TVP23C: variants seen among roughly 807,000 people sequenced by gnomAD.
The protein encoded by TVP23C is Golgi apparatus membrane protein TVP23 homolog C.
In TVP23C, 19 loss-of-function variants were observed where a neutral mutation model predicts 28.7. The observed-to-expected ratio is 0.66, with a 90% CI of 0.46 to 0.97. The LOEUF is 0.97. Ranked by LOEUF, TVP23C falls within the 50% of genes least tolerant of loss-of-function variation. TVP23C has a pLI of 0.00. For synonymous variants in TVP23C, 68 were observed against 81.7 expected (o/e 0.83, Z 0.90); for missense variants, 186 against 241.3 (o/e 0.77, Z 1.52).
chr17:15,508,659 T>C (rs1347255292), intron 5 of TVP23C, among the ~76,000 whole-genome samples: 1 of 152,206 alleles, frequency 6.6e-6, no homozygotes. Context: ...GCATTTACAT[T>C]GTGCAGTACT....
rs1469218863 is a variant in TVP23C at position 15,539,148 on chromosome 17, G to C, written c.*1264C>G. ...AACTTGGGAGAAATGCAAATTATGAGACTCCACCCCCAGATCTACTGAATA... is the reference window on the plus strand; with the variant it reads ...AACTTGGGAGAAATGCAAATTATGACACTCCACCCCCAGATCTACTGAATA... On this transcript the variant is annotated 3_prime_UTR_variant, in exon 6 of 6. Transcript: ENST00000518321. 5 of 947,444 alleles carry C rather than the reference G, an allele frequency of 5.3e-6. No individual in the cohort carries two copies. The African/African-American group carries it at 7.1e-5, about 13-fold the overall frequency. The allele number at this position is 947,444 out of a possible 1,614,324, so 58.7% of individuals were successfully genotyped here.
At chr17:15,544,217 G>T (rs559923401) in intron 5 of TVP23C, among the ~76,000 whole-genome samples, 2 of 152,220 alleles carry the variant, frequency 1.3e-5, no homozygotes, top group Admixed American at 6.5e-5. Flanking sequence ...AATCCAGCCA[G>T]GTCATCATTT....
chr17:15,544,635 A>G (rs1367082340), intron 5 of TVP23C, among the ~76,000 whole-genome samples: 1 of 152,090 alleles, frequency 6.6e-6, no homozygotes, highest in African/African-American at 2.4e-5. Flanking sequence ...TAAAGAAACC[A>G]TATTAGCGTA....
intron 5 of TVP23C, among the ~76,000 whole-genome samples, chr17:15,527,822 G>A (rs529390847): frequency 6.6e-5 from 10 of 152,184 alleles, no homozygotes; most frequent in Admixed American, 3.3e-4. Flanking sequence ...AGAATGTCAC[G>A]AGGATGAAAC....
At chr17:15,554,706 A>G (rs1453104660) in intron 2 of TVP23C, among the ~76,000 whole-genome samples, 1 of 152,220 alleles carries the variant, frequency 6.6e-6, no homozygotes, top group Non-Finnish European at 1.5e-5. Flanking sequence ...ACCCACTGGC[A>G]GTCATTCCCC....
At chr17:15,536,522 TAGA>T (rs756451285), downstream of TVP23C, among the ~76,000 whole-genome samples, 5 of 152,132 alleles carry the variant, frequency 3.3e-5, no homozygotes, top group Non-Finnish European at 7.3e-5. Context: ...GGGAAATCTG[TAGA>T]AGGAGAAAAA....
chr17:15,558,632 A>G (rs1320658598), intron 1 of TVP23C, among the ~76,000 whole-genome samples: 1 of 147,934 alleles, frequency 6.8e-6, no homozygotes, highest in African/African-American at 2.4e-5. Context: ...AGAGACAGAG[A>G]TTTGAACAGG....
At chr17:15,528,364 A>G (rs1982813272) in intron 5 of TVP23C, among the ~76,000 whole-genome samples, 1 of 151,630 alleles carries the variant, frequency 6.6e-6, no homozygotes, top group Non-Finnish European at 1.5e-5. Context: ...CCCACTGGTT[A>G]TTTAGCAGTA....
At chr17:15,527,063 C>A (rs890742188) in intron 5 of TVP23C, among the ~76,000 whole-genome samples, 1 of 152,150 alleles carries the variant, frequency 6.6e-6, no homozygotes, top group Non-Finnish European at 1.5e-5. Context: ...GTTATCTGAC[C>A]TTCCAAGAAA....
intron 3 of TVP23C, among the ~76,000 whole-genome samples, chr17:15,548,860 T>C (rs1351654794): frequency 6.6e-6 from 1 of 152,132 alleles, no homozygotes; most frequent in Non-Finnish European, 1.5e-5. Context: ...TAATGCACAG[T>C]AAGAGAATAA....
At chr17:15,516,852 G>C (rs764863292) in intron 5 of TVP23C, among the ~76,000 whole-genome samples, 7 of 152,158 alleles carry the variant, frequency 4.6e-5, no homozygotes, top group African/African-American at 7.2e-5. Context: ...CTTCAGGAGA[G>C]AGGCCTTGGC....
intron 5 of TVP23C, among the ~76,000 whole-genome samples, chr17:15,526,058 C>T (rs572164103): frequency 6.0e-4 from 92 of 152,286 alleles, no homozygotes; most frequent in African/African-American, 2.1e-3. Flanking sequence ...GTCTGCACTG[C>T]GTATGCCCTT....
chr17:15,524,708 G>A (rs57350285), intron 5 of TVP23C, among the ~76,000 whole-genome samples: 1 of 151,822 alleles, frequency 6.6e-6, no homozygotes, highest in Admixed American at 6.6e-5. Context: ...GGGTCCCAGA[G>A]GGATGCACAC....
At chr17:15,509,377 A>C (rs997948784) in intron 5 of TVP23C, among the ~76,000 whole-genome samples, 3 of 152,240 alleles carry the variant, frequency 2.0e-5, no homozygotes, top group African/African-American at 7.2e-5. Context: ...GGCCTGGAGC[A>C]GCTGCTGGCT....
At chr17:15,502,697 T>G in exon 6 of TVP23C, 1 of 1,138,866 alleles carries the variant, frequency 8.8e-7, no homozygotes, top group Non-Finnish European at 1.2e-6. Context: ...AAGTTCCCTG[T>G]TCGTTCGTTC....
chr17:15,516,917 A>G (rs1206849339), intron 5 of TVP23C, among the ~76,000 whole-genome samples: 1 of 152,154 alleles, frequency 6.6e-6, no homozygotes, highest in East Asian at 1.9e-4. Flanking sequence ...GGCATCCCAC[A>G]GTGTGTGCTG....
downstream of TVP23C, among the ~76,000 whole-genome samples, chr17:15,534,314 G>A (rs1036509670): frequency 5.3e-5 from 8 of 152,114 alleles, no homozygotes; most frequent in African/African-American, 1.9e-4. Context: ...AATTAATTAA[G>A]GAAGCTGAGA....
At chr17:15,505,361 A>T (rs540705006) in intron 5 of TVP23C, among the ~76,000 whole-genome samples, 1 of 152,268 alleles carries the variant, frequency 6.6e-6, no homozygotes, top group Non-Finnish European at 1.5e-5. Flanking sequence ...CAATTCTCCC[A>T]CCAGTCTCAG....
chr17:15,532,588 A>C (rs1235892958), downstream of TVP23C, among the ~76,000 whole-genome samples: 1 of 152,172 alleles, frequency 6.6e-6, no homozygotes, highest in Non-Finnish European at 1.5e-5. Context: ...TTTTTTCTCA[A>C]ATACATTTTC....
Sources: gnomAD v4.1 joint callset for allele counts (sites outside exome capture counted in the v4.1 genomes callset) on GRCh38, gnomAD v4.1.1 for gene constraint, MANE v1.5 for transcripts, NCBI Gene and HGNC (gene_info 2026-07-23, HGNC 2026-07-21) for gene names.